Variants in NHS observed in about 807,000 individuals in gnomAD.
NHS encodes NHS actin remodeling regulator.
A neutral mutation model predicts 72.5 loss-of-function variants in NHS; 5 were observed. The observed-to-expected ratio is 0.07, with a 90% CI of 0.04 to 0.14. The LOEUF is 0.14. Ranked by LOEUF, NHS falls within the 10% of genes least tolerant of loss-of-function variation. The pLI, the probability that NHS is intolerant of heterozygous loss-of-function variation, is 1.00. For synonymous variants in NHS, 464 were observed against 547.7 expected, an observed-to-expected ratio of 0.85 and a Z score of 2.13; for missense variants, 1,072 against 1,355.7, an observed-to-expected ratio of 0.79 and a Z score of 3.29.
chrX:17,507,593 C>T (rs1292350624), intron 1 of NHS, among the ~76,000 whole-genome samples: 2 of 112,036 alleles, frequency 1.8e-5, no homozygotes, highest in Admixed American at 1.9e-4. Flanking sequence ...GAACGTAAGG[C>T]ACTGTTGCTT....
At chrX:17,618,063 C>T (rs775439832) in intron 1 of NHS, among the ~76,000 whole-genome samples, 12 of 111,952 alleles carry the variant, frequency 1.1e-4, no homozygotes, top group South Asian at 7.5e-4. Context: ...ATTTGGGTCG[C>T]GGCCTCAGAA....
chrX:17,689,182 A>G (rs1023568398), intron 2 of NHS, among the ~76,000 whole-genome samples: 5 of 111,610 alleles, frequency 4.5e-5, no homozygotes, highest in Admixed American at 1.9e-4. Flanking sequence ...GTTGCCTTCA[A>G]TTATCATCTT....
chrX:17,732,462 T>C lies in NHS; in HGVS notation c.4954T>C (p.Ter1652GlnextTer42). Residue 1652 changes from the stop codon to glutamine, a stop_lost, in exon 9 of 9, where the codon TAG becomes CAG. Transcript: ENST00000676302. Reference protein sequence around the residue: ...HDDRSSQSST* With the variant: ...HDDRSSQSSTQ ...CGACCGTTCCTCCCAGAGTTCAACA[T>C]AGACTGCCTGTACCAGGCTGCCTGG... 8.2e-7 allele frequency: 1 copy of C among 1,212,403 alleles called. No individual in the cohort carries two copies. Among genetic ancestry groups the C allele is most frequent in the Non-Finnish European group, 1.1e-6 (1 of 895,671 alleles).
intron 1 of NHS, among the ~76,000 whole-genome samples, chrX:17,454,897 C>T (rs1041078363): frequency 9.9e-5 from 11 of 111,484 alleles, no homozygotes; most frequent in Non-Finnish European, 1.3e-4. Flanking sequence ...CCTAGAATAC[C>T]GCTAATGGTC....
At chrX:17,474,201 T>A (rs781176095) in intron 1 of NHS, among the ~76,000 whole-genome samples, 2 of 111,560 alleles carry the variant, frequency 1.8e-5, no homozygotes, top group Non-Finnish European at 3.8e-5. Flanking sequence ...AACTGGGAAA[T>A]GAGAAAAATG....
intron 1 of NHS, among the ~76,000 whole-genome samples, chrX:17,519,277 G>A (rs2065135739): frequency 8.9e-6 from 1 of 111,923 alleles, no homozygotes; most frequent in African/African-American, 3.3e-5. Flanking sequence ...TTGACATCTC[G>A]AGACCTCACA....
chrX:17,600,737 G>A (rs750055676), intron 1 of NHS, among the ~76,000 whole-genome samples: 1 of 110,910 alleles, frequency 9.0e-6, no homozygotes, highest in Non-Finnish European at 1.9e-5. Flanking sequence ...AATGGTGAGT[G>A]GGGGAGGGAG....
At chrX:17,728,827 G>A in intron 8 of NHS, 52 bp downstream of exon 8, 1 of 1,201,252 alleles carries the variant, frequency 8.3e-7, no homozygotes, top group East Asian at 3.0e-5. Context: ...CAAAGGTTTT[G>A]CCCCTTCAGG....
intron 1 of NHS, among the ~76,000 whole-genome samples, chrX:17,544,289 C>T (rs751514153): frequency 8.9e-6 from 1 of 111,875 alleles, no homozygotes; most frequent in African/African-American, 3.2e-5. Flanking sequence ...TTGAATCCGA[C>T]AATTTGGACT....
At chrX:17,640,515 A>C (rs2147075560) in intron 1 of NHS, among the ~76,000 whole-genome samples, 1 of 112,390 alleles carries the variant, frequency 8.9e-6, no homozygotes, top group South Asian at 3.7e-4. Flanking sequence ...CAATAAGAGG[A>C]AAGATGCAAA....
intron 3 of NHS, among the ~76,000 whole-genome samples, chrX:17,703,363 A>G (rs2066277707): frequency 8.9e-6 from 1 of 112,299 alleles, no homozygotes; most frequent in East Asian, 2.8e-4. Flanking sequence ...CAAGCAAACA[A>G]GTAAGCAATG....
chrX:17,522,119 G>A (rs925838650), intron 1 of NHS, among the ~76,000 whole-genome samples: 1 of 112,542 alleles, frequency 8.9e-6, no homozygotes, highest in Non-Finnish European at 1.9e-5. Flanking sequence ...CTGGGCCACA[G>A]CCATGTCCAG....
intron 1 of NHS, among the ~76,000 whole-genome samples, chrX:17,452,530 C>T (rs2064810032): frequency 9.2e-6 from 1 of 108,823 alleles, no homozygotes; most frequent in African/African-American, 3.3e-5. Context: ...TTGTTTTTCC[C>T]TGTAATTACC....
intron 1 of NHS, among the ~76,000 whole-genome samples, chrX:17,451,044 G>A (rs1038280314): frequency 1.8e-5 from 2 of 111,320 alleles, no homozygotes; most frequent in African/African-American, 3.3e-5. Context: ...TGTAAAATAC[G>A]CATTTGGTTT....
intron 1 of NHS, among the ~76,000 whole-genome samples, chrX:17,499,275 G>A (rs2065026984): frequency 9.0e-6 from 1 of 111,134 alleles, no homozygotes; most frequent in Admixed American, 9.5e-5. Context: ...TGGGTCAGAA[G>A]AATACTGGGG....
At chrX:17,627,642 A>C (rs1423222068) in intron 1 of NHS, among the ~76,000 whole-genome samples, 2 of 112,608 alleles carry the variant, frequency 1.8e-5, no homozygotes, top group East Asian at 5.6e-4. Context: ...CTCAGTGATC[A>C]TCTAATGCTG....
At position 17,727,794 on chromosome X, in the gene NHS, G is replaced by A. The variant is rs760221310; in HGVS notation, c.3688G>A (p.Asp1230Asn). The A allele has an allele frequency of 1.6e-5, 19 of 1,209,896 alleles. No individual in the cohort carries two copies. The highest frequency in any genetic ancestry group is 2.2e-5 in the Admixed American group (1 of 45,775). ...NSTFDVKNRC[D>N]PETITSAGSS... ...TACTTTTGATGTGAAGAATCGCTGC[G>A]ATCCAGAAACCATAACATCAGCTGG... Residue 1230 changes from aspartate (D) to asparagine (N), a missense_variant, in exon 7 of 9, where the codon GAT (aspartate) becomes AAT (asparagine). Transcript: ENST00000676302.
In NHS at chrX:17,645,719, G is replaced by A. The variant is rs371350910; in HGVS notation, c.566-42023G>A. Among the ~76,000 whole-genome samples, 16 of 111,928 alleles carry A rather than the reference G, an allele frequency of 1.4e-4. No individual in the cohort carries two copies. In the East Asian group the frequency reaches 1.7e-3, roughly 12 times the overall value. On this transcript the variant is annotated intron_variant, in intron 1 of 8. Transcript: ENST00000676302. ...ATCCTACTGAGATTTACATCTCTGT[G>A]ATCCCAAAACTGTTCCCTCTTGAGA...
intron 1 of NHS, among the ~76,000 whole-genome samples, chrX:17,425,568 A>AAAAAAAAAAAAAAAAG (rs2064651928): frequency 3.9e-5 from 3 of 77,074 alleles, no homozygotes; most frequent in African/African-American, 1.3e-4. Context: ...AAAAAAAAAA[A>AAAAAAAAAAAAAAAAG]AAAGAAAGAA....
Sources: gnomAD v4.1 joint callset for allele counts (sites outside exome capture counted in the v4.1 genomes callset) on GRCh38, gnomAD v4.1.1 for gene constraint, MANE v1.5 for transcripts, NCBI Gene and HGNC (gene_info 2026-07-23, HGNC 2026-07-21) for gene names.